The following IFNGR1 variants were observed in gnomAD, a reference collection of about 807,000 sequenced individuals.
The protein encoded by IFNGR1 is interferon gamma receptor 1.
In IFNGR1, 23 loss-of-function variants were observed where a neutral mutation model predicts 35.4. The ratio of observed to expected loss-of-function variants is 0.65; its 90% CI spans 0.47 to 0.92. IFNGR1 has a LOEUF of 0.92. Ranked by LOEUF, IFNGR1 falls within the 40% of genes least tolerant of loss-of-function variation. IFNGR1 has a pLI of 0.00. For synonymous variants in IFNGR1, 199 were observed against 209.5 expected, an observed-to-expected ratio of 0.95 and a Z score of 0.43; for missense variants, 533 against 583.4, an observed-to-expected ratio of 0.91 and a Z score of 0.89.
rs149216962 is a variant in IFNGR1 at position 137,204,498 on chromosome 6, A to G, written c.380T>C (p.Ile127Thr). Residue 127 changes from isoleucine (I) to threonine (T), a missense_variant, in exon 4 of 7, where the codon ATT (isoleucine) becomes ACT (threonine). Ile to Thr is a moderately conservative substitution (Grantham distance 89). Coordinates refer to ENST00000367739, the MANE Select transcript of IFNGR1 (RefSeq NM_000416.3). ...EEFAVCRDGK[I>T]GPPKLDIRKE... The stretch of plus-strand genomic sequence containing the variant: ...TCTGATATCCAGTTTAGGTGGTCCA[A>G]TTTTTCCTGGGGAAGGAGGAGGAGG... 7.9e-5 allele frequency: 127 copies of G among 1,612,818 alleles called. No individual in the cohort carries two copies. Among genetic ancestry groups the G allele is most frequent in the Non-Finnish European group, 9.9e-5 (117 of 1,178,998 alleles).
At chr6:137,208,751 T>A (rs1430758116) in intron 1 of IFNGR1, among the ~76,000 whole-genome samples, 1 of 152,220 alleles carries the variant, frequency 6.6e-6, no homozygotes, top group Admixed American at 6.5e-5. Context: ...ATGGAGAACC[T>A]CTGCTAGGCC....
At chr6:137,210,341 G>A (rs573364505) in intron 1 of IFNGR1, among the ~76,000 whole-genome samples, 2 of 151,532 alleles carry the variant, frequency 1.3e-5, no homozygotes, top group East Asian at 3.9e-4. Flanking sequence ...CCACTGTTTG[G>A]TGTAAAAGGT....
At chr6:137,199,500 A>ATATATAATATATTATATATT (rs1779201890) in intron 6 of IFNGR1, among the ~76,000 whole-genome samples, 5 of 14,488 alleles carry the variant, frequency 3.5e-4, no homozygotes, top group Non-Finnish European at 3.8e-4. Context: ...TATTATATAA[A>ATATATAATATATTATATATT]ATATATAATT....
intron 1 of IFNGR1, among the ~76,000 whole-genome samples, chr6:137,218,212 C>G (rs1779753279): frequency 6.6e-6 from 1 of 152,138 alleles, no homozygotes; most frequent in South Asian, 2.1e-4. Flanking sequence ...AACGCCTACT[C>G]CAGAAGATTG....
chr6:137,210,676 G>A (rs1038359489), intron 1 of IFNGR1, among the ~76,000 whole-genome samples: 1 of 152,146 alleles, frequency 6.6e-6, no homozygotes, highest in African/African-American at 2.4e-5. Flanking sequence ...CAAGCAGACT[G>A]CTTAAATAAG....
intron 4 of IFNGR1, 123 bp downstream of exon 4, chr6:137,204,209 A>T (rs1043499149): frequency 1.2e-6 from 1 of 839,498 alleles, no homozygotes; most frequent in African/African-American, 1.7e-5. Context: ...TTTCTTATCA[A>T]ATCTATGATC....
At chr6:137,217,101 C>A (rs1277209265) in intron 1 of IFNGR1, among the ~76,000 whole-genome samples, 1 of 152,216 alleles carries the variant, frequency 6.6e-6, no homozygotes, top group African/African-American at 2.4e-5. Context: ...TATCCTCTTT[C>A]TCTGCTGACA....
intron 1 of IFNGR1, among the ~76,000 whole-genome samples, chr6:137,213,698 T>C (rs937847505): frequency 6.6e-5 from 10 of 152,222 alleles, no homozygotes; most frequent in African/African-American, 2.4e-4. Context: ...GCAGTCGTGA[T>C]AGCTCTGCAA....
Position 137,198,360 on chromosome 6 carries a change from G to A in IFNGR1, c.1141C>T (p.Pro381Ser). The A allele has an allele frequency of 1.2e-6, 2 of 1,614,080 alleles. No homozygotes were observed. Among genetic ancestry groups the A allele is most frequent in the Non-Finnish European group, 1.7e-6 (2 of 1,180,026 alleles). ...LTPIERESSS[P>S]LSSNQSEPGS... ...GGTTCAGACTGGTTACTACTTAAAGGTGAAGAACTCTCTCTCTCTATTGGA... is the reference window on the plus strand; with the variant it reads ...GGTTCAGACTGGTTACTACTTAAAGATGAAGAACTCTCTCTCTCTATTGGA... Residue 381 changes from proline to serine, a missense_variant, in exon 7 of 7, where the codon CCT becomes TCT. Physicochemically the swap from Pro to Ser is moderately conservative, Grantham distance 74. Coordinates refer to ENST00000367739, the MANE Select transcript of IFNGR1 (RefSeq NM_000416.3).
At chr6:137,215,445 C>T (rs1055953034) in intron 1 of IFNGR1, 2 of 996,066 alleles carry the variant, frequency 2.0e-6, no homozygotes, top group African/African-American at 3.3e-5. Flanking sequence ...AAACAGATAC[C>T]TAGTATTCTG....
At chr6:137,208,308 G>A (rs1779492467) in intron 1 of IFNGR1, among the ~76,000 whole-genome samples, 2 of 152,214 alleles carry the variant, frequency 1.3e-5, no homozygotes, top group African/African-American at 2.4e-5. Context: ...ATTTTCTGGG[G>A]AGAAATTCAA....
At position 137,197,840 on chromosome 6, in the gene IFNGR1, A is replaced by G. The variant is rs1779124206; in HGVS notation, c.*191T>C. The G allele has an allele frequency of 1.6e-6, 1 of 641,892 alleles. No homozygotes were observed. The highest frequency in any genetic ancestry group is 2.6e-6 in the Non-Finnish European group (1 of 389,266). The allele number at this position is 641,892 out of a possible 1,614,324, so 39.8% of individuals were successfully genotyped here. On this transcript the variant is annotated 3_prime_UTR_variant, in exon 7 of 7. Transcript: ENST00000367739. ...ATGCTTTTTTTGTTTAAAAAAAAAA[A>G]AAAGTCTGTACTTTACAAGCCAAAA...
chr6:137,204,833 T>A (rs1562286082), intron 3 of IFNGR1, among the ~76,000 whole-genome samples: 1 of 152,192 alleles, frequency 6.6e-6, no homozygotes, highest in Non-Finnish European at 1.5e-5. Flanking sequence ...ATTAAGTAAT[T>A]TTTCCTTTAT....
intron 1 of IFNGR1, among the ~76,000 whole-genome samples, chr6:137,214,760 T>C (rs893369921): frequency 6.6e-6 from 1 of 152,218 alleles, no homozygotes; most frequent in Non-Finnish European, 1.5e-5. Flanking sequence ...AATTCTCTTT[T>C]GGACTAACTC....
rs140205506 is a variant in IFNGR1, at chr6:137,199,150, G to A, written c.862-511C>T. Among the ~76,000 whole-genome samples, 238 of 151,266 alleles carry A rather than the reference G, an allele frequency of 1.6e-3. 1 individual carries two copies. The highest frequency in any genetic ancestry group is 5.3e-3 in the African/African-American group (220 of 41,142). ...TGAATGCTTCCTGCCCTTGAACATC[G>A]GACTCTGAATTCTTCAAGTTTGGAG... is the stretch of plus-strand genomic sequence containing the variant. On this transcript the variant is annotated intron_variant, in intron 6 of 6. Coordinates refer to ENST00000367739, the MANE Select transcript of IFNGR1 (RefSeq NM_000416.3).
chr6:137,199,567 A>ATATAATATATAATTTATTATATATT (rs1185525239), intron 6 of IFNGR1, among the ~76,000 whole-genome samples: 1 of 66,172 alleles, frequency 1.5e-5, no homozygotes, highest in African/African-American at 6.0e-5. Flanking sequence ...AAATATATAT[A>ATATAATATATAATTTATTATATATT]ATATATAATA....
chr6:137,210,819 G>GA (rs934061092), intron 1 of IFNGR1, among the ~76,000 whole-genome samples: 4 of 152,056 alleles, frequency 2.6e-5, no homozygotes, highest in African/African-American at 9.7e-5. Context: ...CTGCTGAAGG[G>GA]AAAATCTATA....
In IFNGR1 at chr6:137,209,580, G is replaced by A. The variant is rs17181709; in HGVS notation, c.86-2503C>T. ...GCTTCTTCCTCATTTTTCTCTTGCC[G>A]CCACCATGTAAGAAGTGCCTTTCGC... is the stretch of plus-strand genomic sequence containing the variant. On this transcript the variant is annotated intron_variant, in intron 1 of 6. Transcript: ENST00000367739. Among the ~76,000 whole-genome samples, 395 of 152,116 alleles carry A rather than the reference G, an allele frequency of 2.6e-3. 1 individual carries two copies. Among genetic ancestry groups the A allele is most frequent in the African/African-American group, 8.7e-3 (361 of 41,484 alleles).
At chr6:137,199,735 T>C (rs950530024) in intron 6 of IFNGR1, among the ~76,000 whole-genome samples, 2 of 148,750 alleles carry the variant, frequency 1.3e-5, no homozygotes, top group African/African-American at 5.0e-5. Context: ...TCTACTTAAG[T>C]AATATTCTCA....
Sources: gnomAD v4.1 joint callset for allele counts (sites outside exome capture counted in the v4.1 genomes callset) on GRCh38, gnomAD v4.1.1 for gene constraint, MANE v1.5 for transcripts, NCBI Gene and HGNC (gene_info 2026-07-23, HGNC 2026-07-21) for gene names.